The following DACH1 variants were observed in gnomAD, a reference collection of about 807,000 sequenced individuals.
The protein encoded by DACH1 is dachshund homolog 1.
DACH1 carries 12 observed loss-of-function variants against 54.2 expected under a neutral mutation model. That is an observed-to-expected ratio of 0.22 (90% confidence interval 0.14 to 0.36). DACH1 has a LOEUF of 0.36. Among genes scored for constraint, DACH1 ranks in the 10% least tolerant of loss-of-function variants. DACH1 has a pLI of 1.00. For missense variants in DACH1, 805 were observed against 929.8 expected (o/e 0.87, Z 1.75); for synonymous variants, 386 against 366.2 (o/e 1.05, Z -0.62).
Position 71,471,715 on chromosome 13 carries a change from G to C in DACH1, c.2083+3426C>G, listed in dbSNP as rs112953436. On this transcript the variant is annotated intron_variant, in intron 10 of 10. Coordinates refer to ENST00000613252, the MANE Select transcript of DACH1 (RefSeq NM_080759.6). ...TATGGTGAACCGAGATGGTGCCACT[G>C]CACTCCAGCCTGGGCAACAGAGTGA... Among the ~76,000 whole-genome samples the C allele has an allele frequency of 6.9e-3, 1,041 of 151,604 alleles. 10 individuals are homozygous for C. The highest frequency in any genetic ancestry group is 0.024 in the African/African-American group (980 of 41,292).
chr13:71,636,810 G>C (rs903738937), intron 2 of DACH1, among the ~76,000 whole-genome samples: 1 of 151,856 alleles, frequency 6.6e-6, no homozygotes, highest in African/African-American at 2.4e-5. Context: ...ACTATCACTT[G>C]CAAATTTAAA....
At chr13:71,585,663 G>C (rs763322054) in intron 3 of DACH1, among the ~76,000 whole-genome samples, 45 of 152,266 alleles carry the variant, frequency 3.0e-4, no homozygotes, top group Middle Eastern at 3.4e-3. Flanking sequence ...AAGTCAGAAG[G>C]AATTAGGTAG....
chr13:71,485,437 C>G (rs147627344), intron 7 of DACH1, among the ~76,000 whole-genome samples: 1 of 150,042 alleles, frequency 6.7e-6, no homozygotes, highest in South Asian at 2.1e-4. Flanking sequence ...AAATCTGGTG[C>G]CCAATTTTTT....
At chr13:71,531,557 A>G (rs539397023) in intron 6 of DACH1, among the ~76,000 whole-genome samples, 1 of 152,174 alleles carries the variant, frequency 6.6e-6, no homozygotes, top group South Asian at 2.1e-4. Flanking sequence ...TAATTTGCAT[A>G]ATGAGCTTAT....
At chr13:71,467,225 AAACAG>A (rs1876661626) in intron 10 of DACH1, among the ~76,000 whole-genome samples, 1 of 151,644 alleles carries the variant, frequency 6.6e-6, no homozygotes, top group East Asian at 1.9e-4. Flanking sequence ...TTACATTAAA[AAACAG>A]TATTACTTTT....
At chr13:71,806,855 G>A (rs372327892) in intron 1 of DACH1, among the ~76,000 whole-genome samples, 2 of 152,106 alleles carry the variant, frequency 1.3e-5, no homozygotes, top group Non-Finnish European at 2.9e-5. Flanking sequence ...CTTCCAAAAT[G>A]TCATGACTTT....
chr13:71,616,016 T>C (rs1875734636), intron 3 of DACH1, among the ~76,000 whole-genome samples: 1 of 152,124 alleles, frequency 6.6e-6, no homozygotes, highest in Admixed American at 6.6e-5. Context: ...CTGAGATTCA[T>C]AGAGGCTAAG....
chr13:71,527,315 T>C (rs1882049519), intron 6 of DACH1, among the ~76,000 whole-genome samples: 1 of 152,168 alleles, frequency 6.6e-6, no homozygotes, highest in Non-Finnish European at 1.5e-5. Flanking sequence ...GTACTACACA[T>C]TACTCATATA....
At chr13:71,606,410 G>T (rs1874883294) in intron 3 of DACH1, among the ~76,000 whole-genome samples, 1 of 151,872 alleles carries the variant, frequency 6.6e-6, no homozygotes, top group Non-Finnish European at 1.5e-5. Flanking sequence ...AGGAAATAAA[G>T]AATCTACAAT....
At chr13:71,732,537 A>G (rs1292554321) in intron 1 of DACH1, among the ~76,000 whole-genome samples, 1 of 150,520 alleles carries the variant, frequency 6.6e-6, no homozygotes, top group African/African-American at 2.5e-5. Flanking sequence ...GTGAGCTGAG[A>G]CCACGCCACT....
intron 4 of DACH1, among the ~76,000 whole-genome samples, chr13:71,562,546 T>C (rs1884656662): frequency 6.6e-6 from 1 of 152,128 alleles, no homozygotes; most frequent in South Asian, 2.1e-4. Context: ...CATCCAACTT[T>C]ACAGTTTGCA....
intron 1 of DACH1, among the ~76,000 whole-genome samples, chr13:71,776,844 T>G (rs1886086491): frequency 6.6e-6 from 1 of 150,474 alleles, no homozygotes; most frequent in Non-Finnish European, 1.5e-5. Flanking sequence ...TTTGTCTTCT[T>G]TATCTTTTAC....
chr13:71,483,163 A>G (rs892710525), intron 7 of DACH1, among the ~76,000 whole-genome samples: 4 of 150,784 alleles, frequency 2.7e-5, no homozygotes, highest in African/African-American at 9.9e-5. Context: ...CTTTAATGCT[A>G]TGATTATTGT....
At chr13:71,482,448 G>T (rs1177577033) in intron 7 of DACH1, among the ~76,000 whole-genome samples, 4 of 152,152 alleles carry the variant, frequency 2.6e-5, no homozygotes, top group Admixed American at 2.6e-4. Context: ...GGTTTCTCGA[G>T]TGTCACTGAA....
chr13:71,667,093 A>C (rs1020569092), intron 2 of DACH1, among the ~76,000 whole-genome samples: 1 of 152,196 alleles, frequency 6.6e-6, no homozygotes, highest in African/African-American at 2.4e-5. Context: ...GCCTATAACA[A>C]GGAATTTTCA....
chr13:71,651,552 T>G (rs1878668594), intron 2 of DACH1, among the ~76,000 whole-genome samples: 1 of 152,100 alleles, frequency 6.6e-6, no homozygotes, highest in Non-Finnish European at 1.5e-5. Flanking sequence ...TCCCAGCTAC[T>G]TGGGATACTG....
intron 1 of DACH1, among the ~76,000 whole-genome samples, chr13:71,744,683 G>T (rs1216481443): frequency 1.3e-5 from 2 of 152,160 alleles, no homozygotes; most frequent in Non-Finnish European, 2.9e-5. Context: ...TTACACATGG[G>T]TGCCCACTTT....
At chr13:71,846,538 G>A (rs1417064015) in intron 1 of DACH1, among the ~76,000 whole-genome samples, 1 of 152,138 alleles carries the variant, frequency 6.6e-6, no homozygotes, top group Non-Finnish European at 1.5e-5. Flanking sequence ...GCTGAGGCCC[G>A]AGAATCACTT....
At chr13:71,590,916 T>C (rs984986212) in intron 3 of DACH1, among the ~76,000 whole-genome samples, 1 of 141,886 alleles carries the variant, frequency 7.0e-6, no homozygotes, top group African/African-American at 2.6e-5. Context: ...AGTCTGGCTG[T>C]CAACCAGGCG....
Sources: allele counts gnomAD v4.1 joint callset (sites outside exome capture counted in the v4.1 genomes callset), GRCh38; gene constraint gnomAD v4.1.1; transcripts MANE v1.5; gene names NCBI Gene and HGNC (gene_info 2026-07-23, HGNC 2026-07-21).